The following EXOC5 variants were observed in gnomAD, a reference collection of about 807,000 sequenced individuals.
EXOC5 encodes the protein SEC10-like 1.
In EXOC5, 17 loss-of-function variants were observed where a neutral mutation model predicts 90.8. The ratio of observed to expected loss-of-function variants is 0.19; its 90% CI spans 0.13 to 0.28. EXOC5 has a LOEUF of 0.28. EXOC5 is among the 10% of genes least tolerant of loss of function. EXOC5 has a pLI of 1.00. For synonymous variants in EXOC5, 260 were observed against 270.0 expected, an observed-to-expected ratio of 0.96 and a Z score of 0.36; for missense variants, 569 against 830.6, an observed-to-expected ratio of 0.69 and a Z score of 3.87.
intron 12 of EXOC5, among the ~76,000 whole-genome samples, chr14:57,222,717 C>T (rs1883184457): frequency 1.3e-5 from 2 of 150,280 alleles, no homozygotes; most frequent in African/African-American, 4.9e-5. Context: ...TATATATACC[C>T]CCATATATTA....
At chr14:57,213,767 G>C (rs1394565058) in intron 15 of EXOC5, among the ~76,000 whole-genome samples, 3 of 151,966 alleles carry the variant, frequency 2.0e-5, no homozygotes, top group Non-Finnish European at 4.4e-5. Flanking sequence ...CCAGGAGTTT[G>C]AGACCAGCCT....
intron 12 of EXOC5, among the ~76,000 whole-genome samples, chr14:57,225,894 A>T (rs1478869614): frequency 6.6e-6 from 1 of 152,224 alleles, no homozygotes; most frequent in African/African-American, 2.4e-5. Context: ...TCCAGGTTAC[A>T]GGCAGATAAG....
chr14:57,263,739 TAAAAAAAAA>T (rs550651836), intron 1 of EXOC5, among the ~76,000 whole-genome samples: 2 of 39,354 alleles, frequency 5.1e-5, no homozygotes, highest in East Asian at 7.6e-4. Context: ...CACTCCAGCC[TAAAAAAAAA>T]AAAAAAAAAA....
chr14:57,222,458 CT>C, intron 12 of EXOC5, 42 bp from the exon 13 acceptor site: 1 of 1,214,550 alleles, frequency 8.2e-7, no homozygotes, highest in South Asian at 1.4e-5. Flanking sequence ...TCAAGTCTAC[CT>C]TTTGAAAATG....
intron 4 of EXOC5, among the ~76,000 whole-genome samples, chr14:57,242,272 GGTCT>G (rs893972206): frequency 2.0e-5 from 3 of 151,612 alleles, no homozygotes; most frequent in African/African-American, 7.3e-5. Context: ...CTTGAGACAG[GGTCT>G]GTCTGTCACC....
chr14:57,226,882 T>C (rs1453527150), intron 12 of EXOC5, among the ~76,000 whole-genome samples: 1 of 152,048 alleles, frequency 6.6e-6, no homozygotes, highest in South Asian at 2.1e-4. Context: ...GAAGAAAACA[T>C]AGGAGGAAAA....
rs1882691656 is a variant in EXOC5, at chr14:57,207,436, CCTTT to C, written c.*1169_*1172del. Reference sequence around the variant, plus strand: ...TATAAGGTTTATAGAATAGTAATGGCCTTTCTAAATTTTCACTTGATATTTAAAA... The same window carrying C: ...TATAAGGTTTATAGAATAGTAATGGCCTAAATTTTCACTTGATATTTAAAA... On this transcript the variant is annotated 3_prime_UTR_variant, in exon 18 of 18. Coordinates refer to ENST00000621441, the MANE Select transcript of EXOC5 (RefSeq NM_006544.4). 1 of 152,362 alleles carries C rather than the reference CCTTT, an allele frequency of 6.6e-6. No homozygotes were observed. The highest frequency in any genetic ancestry group is 2.1e-4 in the South Asian group (1 of 4,818). 9.4% of individuals were successfully genotyped at this position (152,362 alleles called of 1,614,324 possible).
chr14:57,247,580 A>T, intron 2 of EXOC5, 38 bp downstream of exon 2: 1 of 912,126 alleles, frequency 1.1e-6, no homozygotes, highest in Non-Finnish European at 1.7e-6. Context: ...AATGTGTACC[A>T]GATTAGATCT....
At chr14:57,210,909 A>C (rs1882807537) in intron 15 of EXOC5, among the ~76,000 whole-genome samples, 1 of 152,194 alleles carries the variant, frequency 6.6e-6, no homozygotes, top group Non-Finnish European at 1.5e-5. Context: ...TGCTTTCATG[A>C]AAAGGTTACT....
intron 1 of EXOC5, among the ~76,000 whole-genome samples, chr14:57,262,709 A>G (rs201189177): frequency 1.4e-3 from 212 of 148,092 alleles, no homozygotes; most frequent in East Asian, 7.6e-3. Context: ...ATATATATGT[A>G]TATATATGTG....
intron 15 of EXOC5, among the ~76,000 whole-genome samples, chr14:57,214,160 G>A (rs898318271): frequency 2.0e-5 from 3 of 152,050 alleles, no homozygotes; most frequent in Non-Finnish European, 4.4e-5. Flanking sequence ...CCTACCATTG[G>A]CATGTCCAGC....
chr14:57,206,579 T>C lies in EXOC5; in HGVS notation c.*2030A>G, dbSNP rs1448739349. On this transcript the variant is annotated 3_prime_UTR_variant, in exon 18 of 18. Transcript: ENST00000621441. ...GCTCTAAAATATAAAAAGAGTGAAA[T>C]AAAAAAAACAACTGCAGGGAATTTG... The C allele has an allele frequency of 2.0e-5, 3 of 151,588 alleles. No individual in the cohort carries two copies. In the Admixed American group the frequency reaches 2.0e-4, roughly 10 times the overall value. 9.4% of individuals were successfully genotyped at this position (151,588 alleles called of 1,614,324 possible). A position where few individuals can be genotyped will look rare whatever the true frequency, so the allele number is the denominator to read the frequency against.
chr14:57,253,365 T>C (rs1177670722), intron 1 of EXOC5, among the ~76,000 whole-genome samples: 1 of 152,174 alleles, frequency 6.6e-6, no homozygotes, highest in Non-Finnish European at 1.5e-5. Context: ...GTGCAAACTA[T>C]AATACTTCGA....
intron 3 of EXOC5, 99 bp downstream of exon 3, chr14:57,246,612 T>G: frequency 1.0e-6 from 1 of 989,990 alleles, no homozygotes; most frequent in Admixed American, 2.2e-5. Flanking sequence ...TCTTGACAGT[T>G]ACTATCATCT....
intron 1 of EXOC5, among the ~76,000 whole-genome samples, chr14:57,265,040 G>T (rs1463279923): frequency 6.6e-6 from 1 of 151,584 alleles, no homozygotes; most frequent in Admixed American, 6.6e-5. Context: ...TGGGGAAATG[G>T]ACTTCTCATC....
chr14:57,227,513 G>A (rs1566729254), intron 12 of EXOC5, among the ~76,000 whole-genome samples: 2 of 152,112 alleles, frequency 1.3e-5, no homozygotes, highest in East Asian at 1.9e-4. Context: ...GAACCTATGA[G>A]TTTCTCTAAG....
chr14:57,236,346 C>T (rs1270072849), intron 6 of EXOC5, among the ~76,000 whole-genome samples: 3 of 147,204 alleles, frequency 2.0e-5, no homozygotes, highest in Admixed American at 1.4e-4. Context: ...AGTGCAGTGG[C>T]GCGATCTCGG....
intron 12 of EXOC5, among the ~76,000 whole-genome samples, chr14:57,224,058 G>A (rs369921616): frequency 1.3e-5 from 2 of 152,062 alleles, no homozygotes; most frequent in South Asian, 4.1e-4. Context: ...TGCAGCTAAA[G>A]TAGTATTTAC....
intron 15 of EXOC5, among the ~76,000 whole-genome samples, chr14:57,214,951 T>G (rs1313847820): frequency 6.6e-6 from 1 of 152,076 alleles, no homozygotes; most frequent in Non-Finnish European, 1.5e-5. Context: ...AAGAATCGGC[T>G]GGGCGCAGTG....
Sources: allele counts gnomAD v4.1 joint callset (sites outside exome capture counted in the v4.1 genomes callset), GRCh38; gene constraint gnomAD v4.1.1; transcripts MANE v1.5; gene names NCBI Gene and HGNC (gene_info 2026-07-23, HGNC 2026-07-21).